The following RASGRP1 variants were observed in gnomAD, a reference collection of about 807,000 sequenced individuals.
RASGRP1 encodes the protein RAS guanyl-releasing protein 1.
In RASGRP1, 37 loss-of-function variants were observed where a neutral mutation model predicts 95.1. The ratio of observed to expected loss-of-function variants is 0.39; its 90% CI spans 0.30 to 0.51. The LOEUF (loss-of-function observed/expected upper bound fraction) is 0.51. RASGRP1 is among the 20% of genes least tolerant of loss of function. The pLI, the probability that RASGRP1 is intolerant of heterozygous loss-of-function variation, is 0.80. For missense variants in RASGRP1, 711 were observed against 965.4 expected (o/e 0.74, Z 3.49); for synonymous variants, 325 against 353.4 (o/e 0.92, Z 0.90).
intron 16 of RASGRP1, among the ~76,000 whole-genome samples, chr15:38,493,208 G>C (rs1890664393): frequency 8.3e-6 from 1 of 120,430 alleles, no homozygotes; most frequent in African/African-American, 3.1e-5. Context: ...TTTTAAGATG[G>C]AGTCTGTTGC....
intron 2 of RASGRP1, among the ~76,000 whole-genome samples, chr15:38,552,906 G>A (rs980241364): frequency 1.7e-4 from 26 of 152,110 alleles, no homozygotes; most frequent in East Asian, 3.8e-4. Flanking sequence ...AATCCACATC[G>A]TTCTATGTGT....
chr15:38,516,136 T>TA (rs1891774387), intron 6 of RASGRP1, 61 bp downstream of exon 6: 5 of 1,510,068 alleles, frequency 3.3e-6, no homozygotes, highest in African/African-American at 2.8e-5. Context: ...GCTGTTGAAT[T>TA]ATCATCTTAT....
At chr15:38,557,187 G>A (rs1202989769) in intron 2 of RASGRP1, among the ~76,000 whole-genome samples, 1 of 152,112 alleles carries the variant, frequency 6.6e-6, no homozygotes, top group East Asian at 1.9e-4. Context: ...ATTTTGCTAT[G>A]GGCTTTTCTC....
At chr15:38,497,612 A>G (rs1890845429) in intron 15 of RASGRP1, among the ~76,000 whole-genome samples, 1 of 152,172 alleles carries the variant, frequency 6.6e-6, no homozygotes, top group African/African-American at 2.4e-5. Flanking sequence ...CTGTCACTGC[A>G]ACCTATTTGG....
chr15:38,531,808 C>T (rs1262112031), intron 2 of RASGRP1, among the ~76,000 whole-genome samples: 1 of 152,186 alleles, frequency 6.6e-6, no homozygotes, highest in Non-Finnish European at 1.5e-5. Context: ...CCTGGTTCTA[C>T]TTTTCAACGA....
intron 2 of RASGRP1, among the ~76,000 whole-genome samples, chr15:38,551,589 T>A (rs1467114767): frequency 6.6e-6 from 1 of 152,220 alleles, no homozygotes; most frequent in African/African-American, 2.4e-5. Flanking sequence ...ATCTTTGGAA[T>A]AGGGATTTTT....
intron 8 of RASGRP1, among the ~76,000 whole-genome samples, chr15:38,509,100 CT>C (rs1229715144): frequency 6.6e-6 from 1 of 152,118 alleles, no homozygotes; most frequent in Non-Finnish European, 1.5e-5. Context: ...AACTTCTTTT[CT>C]TTTTCACAAT....
At chr15:38,543,613 A>G (rs1455858514) in intron 2 of RASGRP1, among the ~76,000 whole-genome samples, 1 of 71,750 alleles carries the variant, frequency 1.4e-5, no homozygotes, top group African/African-American at 5.8e-5. Context: ...TTGACCTGTC[A>G]TTGACTTTAC....
intron 2 of RASGRP1, among the ~76,000 whole-genome samples, chr15:38,558,038 G>A (rs1445385773): frequency 1.3e-5 from 2 of 152,148 alleles, no homozygotes; most frequent in Non-Finnish European, 2.9e-5. Context: ...GGTATGGAAG[G>A]AAGGAAGGTG....
intron 6 of RASGRP1, among the ~76,000 whole-genome samples, chr15:38,515,776 G>T (rs1238836240): frequency 8.5e-6 from 1 of 117,090 alleles, no homozygotes; most frequent in Non-Finnish European, 1.8e-5. Context: ...CCCCGCCCCC[G>T]CACCCCCCCC....
intron 16 of RASGRP1, among the ~76,000 whole-genome samples, chr15:38,491,291 A>G (rs1296552216): frequency 6.6e-6 from 1 of 152,164 alleles, no homozygotes; most frequent in Non-Finnish European, 1.5e-5. Flanking sequence ...ATATATAGAC[A>G]GTGTCTGGGT....
chr15:38,490,424 A>C lies in RASGRP1; in HGVS notation c.*130T>G. ...TTAGGAATCTTTTAGGTAAATAAACAGTAACAGGCTTTTCCTTTTAAAGTA... is the reference window on the plus strand; with the variant it reads ...TTAGGAATCTTTTAGGTAAATAAACCGTAACAGGCTTTTCCTTTTAAAGTA... On this transcript the variant is annotated 3_prime_UTR_variant, in exon 17 of 17. Transcript: ENST00000310803. The C allele has an allele frequency of 1.1e-6, 1 of 917,800 alleles. No individual in the cohort carries two copies. The highest frequency in any genetic ancestry group is 3.8e-5 in the Admixed American group (1 of 26,320). 56.9% of individuals were successfully genotyped at this position (917,800 alleles called of 1,614,324 possible).
chr15:38,526,799 G>T (rs1310679240), intron 2 of RASGRP1, among the ~76,000 whole-genome samples: 1 of 152,048 alleles, frequency 6.6e-6, no homozygotes, highest in Admixed American at 6.6e-5. Context: ...TTAATAGATT[G>T]CAGTTAAAAT....
At chr15:38,537,088 G>A (rs1183867167) in intron 2 of RASGRP1, among the ~76,000 whole-genome samples, 1 of 151,292 alleles carries the variant, frequency 6.6e-6, no homozygotes, top group Admixed American at 6.6e-5. Flanking sequence ...ATTCCAGACT[G>A]GAACCATGAT....
rs749360311 is a variant in RASGRP1 at position 38,511,594 on chromosome 15, T to C, written c.966+10A>G. On this transcript the variant is annotated intron_variant, in intron 8 of 16. Transcript: ENST00000310803. Reference sequence around the variant, plus strand: ...CTGCTAAGGGCCCCAGAGAAGACAGTAGCACTGACCTTATTGATTTCATGT... The same window carrying C: ...CTGCTAAGGGCCCCAGAGAAGACAGCAGCACTGACCTTATTGATTTCATGT... 6.2e-7 allele frequency: 1 copy of C among 1,600,308 alleles called. No homozygotes were observed. Among genetic ancestry groups the C allele is most frequent in the Admixed American group, 1.7e-5 (1 of 59,986 alleles).
chr15:38,555,060 G>T (rs1261623106), intron 2 of RASGRP1, among the ~76,000 whole-genome samples: 2 of 152,218 alleles, frequency 1.3e-5, no homozygotes, highest in East Asian at 1.9e-4. Flanking sequence ...AGACCAAGTT[G>T]CAGAGTGGTA....
chr15:38,504,580 A>G (rs1891180184), intron 10 of RASGRP1: 1 of 152,186 alleles, frequency 6.6e-6, no homozygotes, highest in Non-Finnish European at 1.5e-5. Context: ...AATAACATGC[A>G]TGGAGCTGTC....
chr15:38,498,883 G>C lies in RASGRP1; in HGVS notation c.1784C>G (p.Ala595Gly), dbSNP rs778543433. 1.9e-6 allele frequency: 3 copies of C among 1,613,626 alleles called. No individual in the cohort carries two copies. The African/African-American group carries it at 4.0e-5, about 22-fold the overall frequency. Residue 595 changes from alanine to glycine, a missense_variant, in exon 15 of 17, where the codon GCC becomes GGC. Ala to Gly is a moderately conservative substitution (Grantham distance 60). This residue lies in a region of RASGRP1 where 212 missense variants were observed against 247.8 expected (regional missense o/e 0.86). Transcript: ENST00000310803. ...CTCTGTGGGAGCTACTGGGTTCTTG[G>C]CTCGCTTCTTACACTCAAACACAAC... is the stretch of plus-strand genomic sequence containing the variant. Reference protein sequence around the residue: ...DLVVFECKKRAKNPVAPTENN... With the variant: ...DLVVFECKKRGKNPVAPTENN...
At chr15:38,490,710 G>T in intron 16 of RASGRP1, 22 bp from the exon 17 acceptor site, 1 of 1,594,072 alleles carries the variant, frequency 6.3e-7, no homozygotes, top group African/African-American at 1.3e-5. Context: ...GGAGAATGAG[G>T]TATGTTAATA....
Sources: allele counts gnomAD v4.1 joint callset (sites outside exome capture counted in the v4.1 genomes callset), GRCh38; gene constraint gnomAD v4.1.1; regional missense constraint gnomAD v4.1.1; transcripts MANE v1.5; gene names NCBI Gene and HGNC (gene_info 2026-07-23, HGNC 2026-07-21).